PTCSC3: variants seen among roughly 807,000 people sequenced by gnomAD.
PTCSC3 encodes the protein papillary thyroid carcinoma susceptibility candidate 3 (non-protein coding).
At chr14:36,164,954 C>T (rs1002866564) in intron 1 of PTCSC3, among the ~76,000 whole-genome samples, 3 of 152,160 alleles carry the variant, frequency 2.0e-5, no homozygotes, top group African/African-American at 7.2e-5. Context: ...TTAATTTCCC[C>T]AGGCAGTGTC....
At chr14:36,136,333 T>A (rs922033590) in exon 4 of PTCSC3, 2 of 152,590 alleles carry the variant, frequency 1.3e-5, no homozygotes, top group African/African-American at 4.8e-5. Flanking sequence ...ATCACAGTGG[T>A]AGACTCCCTG....
At chr14:36,152,896 A>G (rs1195417043) in intron 3 of PTCSC3, among the ~76,000 whole-genome samples, 1 of 92,192 alleles carries the variant, frequency 1.1e-5, no homozygotes, top group African/African-American at 3.5e-5. Flanking sequence ...TCCATCTCGA[A>G]AGGAAAAAAA....
intron 1 of PTCSC3, among the ~76,000 whole-genome samples, chr14:36,167,338 C>T (rs1362183683): frequency 6.6e-6 from 1 of 152,028 alleles, no homozygotes; most frequent in African/African-American, 2.4e-5. Flanking sequence ...GGTGAAAAGA[C>T]GTTGATGCAT....
chr14:36,156,455 C>T (rs1881827945), intron 2 of PTCSC3, among the ~76,000 whole-genome samples: 2 of 151,728 alleles, frequency 1.3e-5, no homozygotes, highest in South Asian at 4.2e-4. Context: ...TTTTCTTTTT[C>T]AAATTATACT....
At chr14:36,173,059 A>G (rs1480562264) in intron 1 of PTCSC3, among the ~76,000 whole-genome samples, 3 of 152,122 alleles carry the variant, frequency 2.0e-5, no homozygotes, top group Non-Finnish European at 4.4e-5. Context: ...CAAAGGCAAC[A>G]AAAGAAATAG....
At chr14:36,168,615 A>G (rs1432064666) in intron 1 of PTCSC3, among the ~76,000 whole-genome samples, 3 of 151,886 alleles carry the variant, frequency 2.0e-5, no homozygotes, top group Non-Finnish European at 4.4e-5. Context: ...AAGGTTTTTA[A>G]TAAAAATTTA....
chr14:36,135,279 G>A (rs1881260213), downstream of PTCSC3, among the ~76,000 whole-genome samples: 1 of 152,218 alleles, frequency 6.6e-6, no homozygotes, highest in African/African-American at 2.4e-5. Context: ...GTTTGTATGT[G>A]TGTGTGCATG....
At chr14:36,147,724 G>A (rs1018609232) in intron 3 of PTCSC3, among the ~76,000 whole-genome samples, 14 of 152,174 alleles carry the variant, frequency 9.2e-5, no homozygotes, top group African/African-American at 3.4e-4. Flanking sequence ...TTCCTTTGGA[G>A]GAGGAGAGGC....
In PTCSC3 at chr14:36,146,180, A is replaced by G. The variant is rs1416417321; in HGVS notation, n.322+7624T>C. The stretch of plus-strand genomic sequence containing the variant: ...AGTTCTGTAGATGTCTATTAGGTCC[A>G]CTTGGTGCAGAGCTGAGTTCAATTC... On this transcript the variant is annotated intron_variant and non_coding_transcript_variant, in intron 3 of 3. Transcript: ENST00000556013. Among the ~76,000 whole-genome samples, 69 of 132,256 alleles carry G rather than the reference A, an allele frequency of 5.2e-4. No individual in the cohort carries two copies. In the East Asian group the frequency reaches 5.4e-3, roughly 10 times the overall value. 86.8% of individuals were successfully genotyped at this position (132,256 alleles called of 152,430 possible).
At chr14:36,162,282 A>AAAC (rs1566509721) in intron 2 of PTCSC3, among the ~76,000 whole-genome samples, 2 of 127,964 alleles carry the variant, frequency 1.6e-5, no homozygotes. Context: ...AAAAAAAAAA[A>AAAC]AAACTCCTGC....
At chr14:36,144,140 G>A (rs976419540) in intron 3 of PTCSC3, among the ~76,000 whole-genome samples, 10 of 152,038 alleles carry the variant, frequency 6.6e-5, no homozygotes, top group Non-Finnish European at 1.3e-4. Flanking sequence ...TTGGTAATGC[G>A]GGCTCTTTTT....
intron 3 of PTCSC3, among the ~76,000 whole-genome samples, chr14:36,146,811 T>A (rs938321098): frequency 1.3e-5 from 2 of 152,256 alleles, no homozygotes; most frequent in Non-Finnish European, 2.9e-5. Flanking sequence ...TGGTTGTTCC[T>A]TTCCATATTT....
intron 1 of PTCSC3, among the ~76,000 whole-genome samples, chr14:36,163,767 C>A (rs1036898844): frequency 3.9e-5 from 6 of 152,172 alleles, no homozygotes; most frequent in African/African-American, 1.4e-4. Context: ...CCTCCTTTGT[C>A]AAGCTCATTA....
At chr14:36,160,088 C>T (rs1167660511) in intron 2 of PTCSC3, among the ~76,000 whole-genome samples, 1 of 152,146 alleles carries the variant, frequency 6.6e-6, no homozygotes, top group Admixed American at 6.5e-5. Context: ...GGCAAATATT[C>T]CTCCATCTCT....
intron 1 of PTCSC3, among the ~76,000 whole-genome samples, chr14:36,165,722 C>CTTTTTTTTTTTTTTTTTTTT (rs71448056): frequency 1.6e-5 from 2 of 124,820 alleles, no homozygotes; most frequent in Non-Finnish European, 3.4e-5. Context: ...TTTATTTTTC[C>CTTTTTTTTTTTTTTTTTTTT]TTTTTTTTTT....
In PTCSC3 at chr14:36,162,258, G is replaced by GAAAAAAAAA. The variant is rs58223160; in HGVS notation, n.231+357_231+365dup. ...GCGTTCCAGGAGCTGCTGGGGTATG[G>GAAAAAAAAA]AAAAAAAAAAAAAAAAAAAAAAAAA... is the stretch of plus-strand genomic sequence containing the variant. On this transcript the variant is annotated intron_variant and non_coding_transcript_variant, in intron 2 of 3. Transcript: ENST00000556013. Among the ~76,000 whole-genome samples, 318 of 106,500 alleles carry GAAAAAAAAA rather than the reference G, an allele frequency of 3.0e-3. 12 individuals are homozygous for GAAAAAAAAA. The highest frequency in any genetic ancestry group is 0.014 in the African/African-American group (294 of 20,738). 69.9% of individuals were successfully genotyped at this position (106,500 alleles called of 152,430 possible).
At chr14:36,174,057 C>T (rs1175817922) in intron 1 of PTCSC3, among the ~76,000 whole-genome samples, 3 of 151,894 alleles carry the variant, frequency 2.0e-5, no homozygotes, top group Non-Finnish European at 2.9e-5. Context: ...CTCTAACGTG[C>T]CTAGGTGCAG....
chr14:36,159,136 TTC>T (rs1178462681), intron 2 of PTCSC3, among the ~76,000 whole-genome samples: 2 of 152,160 alleles, frequency 1.3e-5, no homozygotes, highest in African/African-American at 4.8e-5. Context: ...TATTTGATTC[TTC>T]TCTCTTTTAT....
intron 2 of PTCSC3, among the ~76,000 whole-genome samples, chr14:36,155,033 C>T (rs1207844934): frequency 6.6e-6 from 1 of 152,066 alleles, no homozygotes; most frequent in African/African-American, 2.4e-5. Context: ...GGAGCTTTTT[C>T]TCCTTTAAGG....
Sources: allele counts gnomAD v4.1 joint callset (sites outside exome capture counted in the v4.1 genomes callset), GRCh38; gene constraint gnomAD v4.1.1; transcripts MANE v1.5; gene names NCBI Gene and HGNC (gene_info 2026-07-23, HGNC 2026-07-21).